Variants in EXOC2 observed in about 807,000 individuals in gnomAD.
EXOC2 encodes the protein SEC5-like 1.
EXOC2 carries 70 observed loss-of-function variants against 131.8 expected under a neutral mutation model. The observed-to-expected ratio is 0.53, with a 90% CI of 0.44 to 0.65. EXOC2 has a LOEUF of 0.65. Ranked by LOEUF, EXOC2 falls within the 30% of genes least tolerant of loss-of-function variation. EXOC2 has a pLI of 0.00. For missense variants in EXOC2, 923 were observed against 1,108.6 expected, an observed-to-expected ratio of 0.83 and a Z score of 2.38; for synonymous variants, 411 against 398.4, an observed-to-expected ratio of 1.03 and a Z score of -0.38.
intron 13 of EXOC2, among the ~76,000 whole-genome samples, chr6:570,417 G>C (rs1183907593): frequency 6.6e-6 from 1 of 152,226 alleles, no homozygotes; most frequent in Non-Finnish European, 1.5e-5. Context: ...ATAGGCATGA[G>C]CCACCGCGCC....
At chr6:688,880 G>A (rs988923789) in intron 1 of EXOC2, among the ~76,000 whole-genome samples, 2 of 152,094 alleles carry the variant, frequency 1.3e-5, no homozygotes, top group East Asian at 1.9e-4. Context: ...CTTTTGTCTC[G>A]TTTTGTCTTT....
intron 1 of EXOC2, among the ~76,000 whole-genome samples, chr6:691,030 A>T (rs1255411496): frequency 6.6e-6 from 1 of 152,222 alleles, no homozygotes; most frequent in Non-Finnish European, 1.5e-5. Context: ...TGGACTAGGA[A>T]CCCAGGCTGG....
rs1758642455 is a variant in EXOC2 at position 577,390 on chromosome 6, C to T, written c.1193-508G>A. On this transcript the variant is annotated intron_variant, in intron 11 of 27. Coordinates refer to ENST00000230449, the MANE Select transcript of EXOC2 (RefSeq NM_018303.6). ...ACACTTCATATGCCAGAAGCCAGAA[C>T]ATTCTACTACCATCAAGAAATTGTC... Among the ~76,000 whole-genome samples the T allele has an allele frequency of 2.6e-5, 4 of 152,182 alleles. No individual in the cohort carries two copies. In the South Asian group the frequency reaches 8.3e-4, roughly 32 times the overall value.
At chr6:658,659 ATATATATTTT>A in intron 1 of EXOC2, among the ~76,000 whole-genome samples, 1 of 73,202 alleles carries the variant, frequency 1.4e-5, no homozygotes, top group African/African-American at 4.5e-5. Flanking sequence ...ATATATATAT[ATATATATTTT>A]TTTTTTTTTT....
At chr6:673,199 C>T (rs1763950393) in intron 1 of EXOC2, among the ~76,000 whole-genome samples, 1 of 124,542 alleles carries the variant, frequency 8.0e-6, no homozygotes, top group Admixed American at 1.1e-4. Flanking sequence ...GTTGCAGAGG[C>T]AAGATCGCGC....
At chr6:684,332 G>A (rs985390654) in intron 1 of EXOC2, among the ~76,000 whole-genome samples, 5 of 152,188 alleles carry the variant, frequency 3.3e-5, no homozygotes, top group African/African-American at 7.2e-5. Flanking sequence ...ATGGCCTTGT[G>A]TAGTCTTGAC....
intron 11 of EXOC2, among the ~76,000 whole-genome samples, chr6:590,726 C>T (rs916816549): frequency 6.6e-6 from 1 of 152,164 alleles, no homozygotes; most frequent in South Asian, 2.1e-4. Context: ...ACCCCTTCTT[C>T]GTTTCCTTTG....
At chr6:497,972 A>G (rs1763840241) in intron 24 of EXOC2, among the ~76,000 whole-genome samples, 1 of 152,204 alleles carries the variant, frequency 6.6e-6, no homozygotes, top group South Asian at 2.1e-4. Flanking sequence ...CACATACTGT[A>G]CTCAATATGT....
intron 1 of EXOC2, among the ~76,000 whole-genome samples, chr6:665,785 G>A (rs1191328179): frequency 6.6e-6 from 1 of 152,016 alleles, no homozygotes; most frequent in Non-Finnish European, 1.5e-5. Flanking sequence ...GGGGGGAAGA[G>A]GGGGAGGGGG....
At chr6:546,635 G>A (rs926811142) in intron 22 of EXOC2, among the ~76,000 whole-genome samples, 9 of 152,166 alleles carry the variant, frequency 5.9e-5, no homozygotes, top group Admixed American at 5.2e-4. Flanking sequence ...TGAAGATGAG[G>A]AGGATGAAGA....
chr6:516,281 C>T (rs942599352), intron 23 of EXOC2, among the ~76,000 whole-genome samples: 8 of 152,194 alleles, frequency 5.3e-5, no homozygotes, highest in Non-Finnish European at 8.8e-5. Context: ...ACCTAAGGCT[C>T]TGGTTCTGGG....
chr6:507,148 ACAC>A (rs1306195533), intron 23 of EXOC2, among the ~76,000 whole-genome samples: 14 of 100,112 alleles, frequency 1.4e-4, no homozygotes, highest in Admixed American at 9.2e-4. Context: ...ACACACACAC[ACAC>A]AAGAAGTGAC....
At chr6:620,912 G>C (rs1328218366) in intron 4 of EXOC2, among the ~76,000 whole-genome samples, 1 of 152,156 alleles carries the variant, frequency 6.6e-6, no homozygotes, top group Non-Finnish European at 1.5e-5. Flanking sequence ...CTCTCTGCCT[G>C]CCAGGTATTC....
At chr6:653,344 G>A (rs921147508) in intron 1 of EXOC2, among the ~76,000 whole-genome samples, 1 of 152,322 alleles carries the variant, frequency 6.6e-6, no homozygotes, top group Admixed American at 6.5e-5. Flanking sequence ...CAAACAATTG[G>A]CCAAGCTGTG....
At chr6:626,050 A>C (rs1428335542) in intron 4 of EXOC2, among the ~76,000 whole-genome samples, 1 of 151,748 alleles carries the variant, frequency 6.6e-6, no homozygotes, top group East Asian at 1.9e-4. Flanking sequence ...TTTTTGGTTT[A>C]AATAGTTTGT....
intron 11 of EXOC2, among the ~76,000 whole-genome samples, chr6:581,907 T>G (rs983939697): frequency 6.6e-6 from 1 of 152,188 alleles, no homozygotes; most frequent in Non-Finnish European, 1.5e-5. Flanking sequence ...CAGATACATT[T>G]AACAAATTAT....
chr6:499,430 A>AACACACACACACACACACAC, intron 24 of EXOC2, among the ~76,000 whole-genome samples: 1 of 141,742 alleles, frequency 7.1e-6, no homozygotes, highest in African/African-American at 2.6e-5. Context: ...CTCACAGTTA[A>AACACACACACACACACACAC]ACACACACAC....
chr6:559,000 GA>G (rs940423871), intron 17 of EXOC2, among the ~76,000 whole-genome samples: 10 of 152,118 alleles, frequency 6.6e-5, no homozygotes, highest in African/African-American at 2.4e-4. Context: ...GGGAGTAGGT[GA>G]TAGTCTACAC....
At chr6:592,404 C>T (rs1479433234) in intron 11 of EXOC2, 65 bp downstream of exon 11, 3 of 1,330,620 alleles carry the variant, frequency 2.3e-6, no homozygotes, top group South Asian at 2.4e-5. Context: ...CATCATTAAA[C>T]ATTCCCAGAA....
Sources: gnomAD v4.1 joint callset for allele counts (sites outside exome capture counted in the v4.1 genomes callset) on GRCh38, gnomAD v4.1.1 for gene constraint, MANE v1.5 for transcripts, NCBI Gene and HGNC (gene_info 2026-07-23, HGNC 2026-07-21) for gene names.